Variants in ECT2L observed in about 807,000 individuals in gnomAD.
ECT2L encodes the protein epithelial cell transforming 2 like.
Under a neutral mutation model 122.8 loss-of-function variants are expected in ECT2L, and 126 were observed. The ratio of observed to expected loss-of-function variants is 1.03; its 90% CI spans 0.89 to 1.19. ECT2L has a LOEUF of 1.19. Ranked by LOEUF, ECT2L falls within the 50% of genes most tolerant of loss-of-function variation. The pLI is 0.00. For missense variants in ECT2L, 1,012 were observed against 1,064.1 expected, an observed-to-expected ratio of 0.95 and a Z score of 0.68; for synonymous variants, 385 against 381.8, an observed-to-expected ratio of 1.01 and a Z score of -0.10.
intron 1 of ECT2L, among the ~76,000 whole-genome samples, chr6:138,800,639 A>G (rs1268624911): frequency 1.3e-5 from 2 of 152,230 alleles, no homozygotes; most frequent in Non-Finnish European, 2.9e-5. Flanking sequence ...ATTGCTAGTA[A>G]GAAGATCACA....
intron 4 of ECT2L, among the ~76,000 whole-genome samples, chr6:138,828,679 C>T (rs1776543419): frequency 6.6e-6 from 1 of 152,164 alleles, no homozygotes. Flanking sequence ...TAAAGAGAAA[C>T]TTTCCCTCCT....
chr6:138,811,904 G>T (rs60376700), intron 1 of ECT2L, among the ~76,000 whole-genome samples: 15,343 of 151,998 alleles, frequency 0.1, 877 homozygotes, highest in East Asian at 0.21. Context: ...GGCCAGGCTG[G>T]TCTCAAACTC....
At chr6:138,896,160 G>A (rs1138989) in intron 20 of ECT2L, among the ~76,000 whole-genome samples, 53,054 of 148,210 alleles carry the variant, frequency 0.36, 11,177 homozygotes, top group Admixed American at 0.51. Flanking sequence ...TGAATTCCTT[G>A]GCTCAGATGA....
intron 5 of ECT2L, among the ~76,000 whole-genome samples, chr6:138,840,820 GTTCTCAGATGTTAT>G (rs1199509913): frequency 1.3e-5 from 2 of 151,950 alleles, no homozygotes; most frequent in African/African-American, 4.8e-5. Context: ...GTTTTGAAAT[GTTCTCAGATGTTAT>G]TTCTTCATAT....
intron 4 of ECT2L, among the ~76,000 whole-genome samples, chr6:138,826,783 G>T (rs554955168): frequency 6.6e-6 from 1 of 152,216 alleles, no homozygotes; most frequent in East Asian, 1.9e-4. Flanking sequence ...TTGGGTCACG[G>T]GGGGCAGATC....
intron 10 of ECT2L, among the ~76,000 whole-genome samples, chr6:138,854,889 C>T (rs1378613242): frequency 6.6e-6 from 1 of 152,128 alleles, no homozygotes; most frequent in African/African-American, 2.4e-5. Context: ...CTTTGGAGAT[C>T]TGTTCAATAA....
chr6:138,886,021 A>C (rs1291293646), intron 18 of ECT2L, among the ~76,000 whole-genome samples, 191 bp downstream of exon 18: 2 of 152,228 alleles, frequency 1.3e-5, no homozygotes, highest in African/African-American at 4.8e-5. Flanking sequence ...TAAGCCAAGC[A>C]ACATGAGACA....
intron 20 of ECT2L, among the ~76,000 whole-genome samples, chr6:138,899,638 C>T (rs1779331413): frequency 2.0e-5 from 3 of 151,876 alleles, no homozygotes; most frequent in African/African-American, 2.4e-5. Context: ...CTTTATGTTC[C>T]GACAATTTAA....
Position 138,900,801 on chromosome 6 carries a change from T to C in ECT2L, c.2415-147T>C, listed in dbSNP as rs17068011. The stretch of plus-strand genomic sequence containing the variant: ...GGGGCGAATCACATCAGGAGGAATA[T>C]TATACTGAGAACTTCAACCAGCCAT... On this transcript the variant is annotated intron_variant, in intron 20 of 21. Coordinates refer to ENST00000541398, the MANE Select transcript of ECT2L (RefSeq NM_001077706.3). The C allele has an allele frequency of 2.7e-3, 2,271 of 849,718 alleles. 35 individuals are homozygous for C. The African/African-American group carries it at 0.035, about 13-fold the overall frequency. The allele number at this position is 849,718 out of a possible 1,614,324, so 52.6% of individuals were successfully genotyped here. A position where few individuals can be genotyped will look rare whatever the true frequency, so the allele number is the denominator to read the frequency against.
chr6:138,874,980 T>C (rs944528503), intron 13 of ECT2L, among the ~76,000 whole-genome samples: 11 of 152,152 alleles, frequency 7.2e-5, no homozygotes, highest in African/African-American at 2.7e-4. Flanking sequence ...CCCAGCTACT[T>C]GGGAGGTTGA....
intron 16 of ECT2L, among the ~76,000 whole-genome samples, chr6:138,884,570 A>T (rs1778748149): frequency 6.6e-6 from 1 of 152,066 alleles, no homozygotes; most frequent in African/African-American, 2.4e-5. Flanking sequence ...CCTGGGAGGC[A>T]GAGGTTGCAG....
At chr6:138,844,365 G>A (rs781132733) in intron 6 of ECT2L, 47 bp from the exon 7 acceptor site, 2 of 1,592,988 alleles carry the variant, frequency 1.3e-6, no homozygotes, top group Admixed American at 1.7e-5. Flanking sequence ...ACTTGGCTGG[G>A]AGAAGTATGA....
chr6:138,863,667 C>CG (rs1777919606), intron 11 of ECT2L, among the ~76,000 whole-genome samples: 1 of 150,924 alleles, frequency 6.6e-6, no homozygotes. Flanking sequence ...TGGAGTGCAG[C>CG]GGCACGTTCT....
chr6:138,895,861 CAA>C (rs1248176690), intron 20 of ECT2L, among the ~76,000 whole-genome samples: 1 of 152,060 alleles, frequency 6.6e-6, no homozygotes, highest in Non-Finnish European at 1.5e-5. Context: ...CCACAAATAA[CAA>C]ACAATAACTA....
intron 20 of ECT2L, among the ~76,000 whole-genome samples, chr6:138,894,266 A>G (rs1246455397): frequency 6.6e-6 from 1 of 151,986 alleles, no homozygotes; most frequent in African/African-American, 2.4e-5. Flanking sequence ...CATGTTGGCC[A>G]GGATGGTCTC....
Position 138,896,224 on chromosome 6 carries a change from C to T in ECT2L, c.2415-4724C>T, listed in dbSNP as rs566165881. Among the ~76,000 whole-genome samples, 3 of 152,084 alleles carry T rather than the reference C, an allele frequency of 2.0e-5. No individual in the cohort carries two copies. The South Asian group carries it at 6.2e-4, about 32-fold the overall frequency. Reference sequence around the variant, plus strand: ...GGGATTACAGGCGTGAGCCACTGCACGTGGCCAAAGCTTACTGATTTTTAA... The same window carrying T: ...GGGATTACAGGCGTGAGCCACTGCATGTGGCCAAAGCTTACTGATTTTTAA... On this transcript the variant is annotated intron_variant, in intron 20 of 21. Coordinates refer to ENST00000541398, the MANE Select transcript of ECT2L (RefSeq NM_001077706.3).
Position 138,838,439 on chromosome 6 carries a change from C to G in ECT2L, c.267C>G (p.Ile89Met), listed in dbSNP as rs1776921146. 1.2e-6 allele frequency: 2 copies of G among 1,614,028 alleles called. No homozygotes were observed. Among genetic ancestry groups the G allele is most frequent in the East Asian group, 4.5e-5 (2 of 44,856 alleles). ...TVLPRFISLY[I>M]FSFLSPKDLC... ...TACCACGCTTCATTTCTCTATATAT[C>G]TTTTCCTTTTTGAGTCCGAAAGATT... Residue 89 changes from isoleucine to methionine, a missense_variant, in exon 5 of 22, where the codon ATC becomes ATG. Transcript: ENST00000541398.
intron 4 of ECT2L, among the ~76,000 whole-genome samples, chr6:138,828,230 A>G (rs552246730): frequency 2.6e-5 from 4 of 152,216 alleles, no homozygotes; most frequent in Admixed American, 1.3e-4. Context: ...ATTTTCCTCA[A>G]TGACCTCATA....
intron 16 of ECT2L, among the ~76,000 whole-genome samples, chr6:138,883,948 G>A (rs560113366): frequency 5.9e-5 from 9 of 152,236 alleles, no homozygotes; most frequent in East Asian, 3.9e-4. Context: ...CTGCAGCCTC[G>A]ACTTCCCCAG....
Sources: allele counts gnomAD v4.1 joint callset (sites outside exome capture counted in the v4.1 genomes callset), GRCh38; gene constraint gnomAD v4.1.1; transcripts MANE v1.5; gene names NCBI Gene and HGNC (gene_info 2026-07-23, HGNC 2026-07-21).